The following GNG7 variants were observed in gnomAD, a reference collection of about 807,000 sequenced individuals.
The protein encoded by GNG7 is G protein subunit gamma 7.
In GNG7, 1 loss-of-function variant was observed where a neutral mutation model predicts 4.0. The observed-to-expected ratio is 0.25, with a 90% CI of 0.09 to 1.18. GNG7 has a LOEUF of 1.18. Ranked by LOEUF, GNG7 falls within the 50% of genes most tolerant of loss-of-function variation. The pLI, the probability that GNG7 is intolerant of heterozygous loss-of-function variation, is 0.50. For missense variants in GNG7, 86 were observed against 91.9 expected, an observed-to-expected ratio of 0.94 and a Z score of 0.26; for synonymous variants, 34 against 36.9, an observed-to-expected ratio of 0.92 and a Z score of 0.29.
At position 2,520,718 on chromosome 19, in the gene GNG7, T is replaced by C. The variant is rs1133692; in HGVS notation, c.-30A>G. On this transcript the variant is annotated 5_prime_UTR_variant, in exon 4 of 5. Coordinates refer to ENST00000382159, the MANE Select transcript of GNG7 (RefSeq NM_052847.3). The stretch of plus-strand genomic sequence containing the variant: ...TGCCATCAGCTCTGGGCCCCGTTGT[T>C]CAGAGAGCTGTGGGGGAAGCAGAGG... The C allele has an allele frequency of 0.59, 823,993 of 1,398,458 alleles. 243,260 individuals carry two copies. Among genetic ancestry groups the C allele is most frequent in the Non-Finnish European group, 0.6 (607,584 of 1,008,654 alleles). The allele number at this position is 1,398,458 out of a possible 1,614,324, so 86.6% of individuals were successfully genotyped here. A position where few individuals can be genotyped will look rare whatever the true frequency, so the allele number is the denominator to read the frequency against.
rs114825058 is a variant in GNG7 at position 2,663,925 on chromosome 19, C to T, written c.-134-17645G>A. Among the ~76,000 whole-genome samples the T allele has an allele frequency of 3.5e-3, 526 of 152,286 alleles. 2 individuals carry two copies. Among genetic ancestry groups the T allele is most frequent in the African/African-American group, 0.012 (485 of 41,564 alleles). On this transcript the variant is annotated intron_variant, in intron 1 of 4. Coordinates refer to ENST00000382159, the MANE Select transcript of GNG7 (RefSeq NM_052847.3). ...TGCTGAGTAGCATCCCTGGTCTCCA[C>T]CTACTCCAGGCCAGGAGCACCCCCA...
At chr19:2,522,297 A>AGGGGCC (rs1168366402) in intron 3 of GNG7, among the ~76,000 whole-genome samples, 1 of 152,034 alleles carries the variant, frequency 6.6e-6, no homozygotes, top group African/African-American at 2.4e-5. Context: ...TGGCAGGGGC[A>AGGGGCC]GGGGCCAGGT....
intron 1 of GNG7, among the ~76,000 whole-genome samples, chr19:2,678,894 C>T (rs925644726): frequency 2.6e-5 from 4 of 152,240 alleles, no homozygotes; most frequent in Admixed American, 6.5e-5. Flanking sequence ...CTTCTCATGA[C>T]GGTCCCTCCG....
chr19:2,684,555 C>T (rs61489750), intron 1 of GNG7, among the ~76,000 whole-genome samples: 11,183 of 152,244 alleles, frequency 0.073, 818 homozygotes, highest in African/African-American at 0.19. Context: ...CCTTCAACAG[C>T]AGGCAATCCT....
chr19:2,520,853 G>A (rs1599370430), intron 3 of GNG7, 128 bp from the exon 4 acceptor site: 6 of 581,386 alleles, frequency 1.0e-5, no homozygotes, highest in South Asian at 4.0e-5. Flanking sequence ...GTGGGGACCA[G>A]GGGCCTCCGT....
At chr19:2,658,758 A>G (rs924107684) in intron 1 of GNG7, among the ~76,000 whole-genome samples, 3 of 144,794 alleles carry the variant, frequency 2.1e-5, no homozygotes, top group African/African-American at 7.3e-5. Flanking sequence ...ATAATCATGT[A>G]TCCACTGGCT....
At chr19:2,576,707 TG>T (rs1221196718) in intron 2 of GNG7, among the ~76,000 whole-genome samples, 2 of 149,110 alleles carry the variant, frequency 1.3e-5, no homozygotes, top group Admixed American at 6.7e-5. Context: ...CCAGCCCATC[TG>T]GGTAATTTTT....
chr19:2,546,835 G>A lies in GNG7; in HGVS notation c.-38+8314C>T, dbSNP rs1263944647. 1.3e-5 allele frequency among the ~76,000 whole-genome samples: 2 copies of A among 152,174 alleles called. No individual in the cohort carries two copies. Among genetic ancestry groups the A allele is most frequent in the Admixed American group, 6.5e-5 (1 of 15,282 alleles). On this transcript the variant is annotated intron_variant, in intron 3 of 4. Transcript: ENST00000382159. This position sits in a 1 kb window ranked among gnomAD's most constrained non-coding sequence, Gnocchi z 6.3. ...GGGGGATGACCACGGTCATGTGAGA[G>A]TTTGCAAGCCCGGGAACCGGGGCCG...
At chr19:2,573,656 T>C (rs113390500) in intron 2 of GNG7, among the ~76,000 whole-genome samples, 12,893 of 151,680 alleles carry the variant, frequency 0.085, 789 homozygotes, top group African/African-American at 0.17. Context: ...TAGTGTCTTG[T>C]TCACGGCGAA....
chr19:2,643,757 A>G lies in GNG7; in HGVS notation c.-78+2467T>C, dbSNP rs1239599702. The G allele has an allele frequency of 2.0e-5, 8 of 407,922 alleles. No homozygotes were observed. In the East Asian group the frequency reaches 5.7e-4, roughly 29 times the overall value. 25.3% of individuals were successfully genotyped at this position (407,922 alleles called of 1,614,324 possible). A position where few individuals can be genotyped will look rare whatever the true frequency, so the allele number is the denominator to read the frequency against. On this transcript the variant is annotated intron_variant, in intron 2 of 4. Coordinates refer to ENST00000382159, the MANE Select transcript of GNG7 (RefSeq NM_052847.3). ...TGCACACTGGGCACGCTAATCTTCA[A>G]GCGCACATGGTTCTAAGGGTTGCCA...
At chr19:2,565,650 A>C (rs967336982) in intron 2 of GNG7, among the ~76,000 whole-genome samples, 1 of 152,164 alleles carries the variant, frequency 6.6e-6, no homozygotes, top group Admixed American at 6.6e-5. Context: ...AAAACCTGCA[A>C]TCACTGGGAG....
intron 4 of GNG7, among the ~76,000 whole-genome samples, chr19:2,519,906 A>G (rs1189844261): frequency 6.6e-6 from 1 of 152,072 alleles, no homozygotes; most frequent in Non-Finnish European, 1.5e-5. Context: ...CGGGCCAGGC[A>G]TGGTGGCTCA....
chr19:2,553,518 G>T (rs1979411583), intron 3 of GNG7, among the ~76,000 whole-genome samples: 1 of 147,660 alleles, frequency 6.8e-6, no homozygotes, highest in African/African-American at 2.5e-5. Flanking sequence ...TTACATATAT[G>T]TACACATTAC....
chr19:2,601,444 T>C (rs1981196887), intron 2 of GNG7, among the ~76,000 whole-genome samples: 1 of 152,090 alleles, frequency 6.6e-6, no homozygotes, highest in African/African-American at 2.4e-5. Flanking sequence ...ATGTACATGC[T>C]TGCAATATAC....
intron 1 of GNG7, among the ~76,000 whole-genome samples, chr19:2,668,679 G>T (rs565431607): frequency 6.6e-6 from 1 of 152,310 alleles, no homozygotes; most frequent in South Asian, 2.1e-4. Flanking sequence ...TTTTATGGAT[G>T]GAAAGTTCTA....
chr19:2,521,200 A>G (rs1437013049), intron 3 of GNG7, among the ~76,000 whole-genome samples: 6 of 151,492 alleles, frequency 4.0e-5, no homozygotes, highest in Non-Finnish European at 8.8e-5. Context: ...CGGGAGGTGG[A>G]GCTTGCAGTG....
chr19:2,662,189 G>A (rs1420086806), intron 1 of GNG7, among the ~76,000 whole-genome samples: 2 of 151,636 alleles, frequency 1.3e-5, no homozygotes, highest in African/African-American at 4.9e-5. Context: ...GAACCTGGGG[G>A]GCGGAGGCTG....
chr19:2,632,474 TCACACACACACACACACA>T (rs10545211), intron 2 of GNG7: 5 of 131,978 alleles, frequency 3.8e-5, no homozygotes, highest in Non-Finnish European at 5.0e-5. Flanking sequence ...TAAACAAAAC[TCACACACACACACACACA>T]CACACACACA....
intron 1 of GNG7, among the ~76,000 whole-genome samples, chr19:2,690,330 G>A (rs535175895): frequency 1.0e-3 from 154 of 151,358 alleles, no homozygotes; most frequent in Non-Finnish European, 1.9e-3. Flanking sequence ...GCAGTGAGCC[G>A]AGATCACACC....
Sources: allele counts gnomAD v4.1 joint callset (sites outside exome capture counted in the v4.1 genomes callset), GRCh38; gene constraint gnomAD v4.1.1; non-coding constraint Gnocchi (gnomAD v3.1); transcripts MANE v1.5; gene names NCBI Gene and HGNC (gene_info 2026-07-23, HGNC 2026-07-21).